MACROH2A2: variants seen among roughly 807,000 people sequenced by gnomAD.
MACROH2A2 encodes macroH2A.2 histone.
In MACROH2A2, 6 loss-of-function variants were observed where a neutral mutation model predicts 37.6. That is an observed-to-expected ratio of 0.16 (90% confidence interval 0.09 to 0.32). The LOEUF is 0.32. Ranked by LOEUF, MACROH2A2 falls within the 10% of genes least tolerant of loss-of-function variation. The pLI is 1.00. For missense variants in MACROH2A2, 290 were observed against 485.9 expected, an observed-to-expected ratio of 0.60 and a Z score of 3.79; for synonymous variants, 192 against 202.7, an observed-to-expected ratio of 0.95 and a Z score of 0.45.
At chr10:70,084,272 G>A (rs955107334) in intron 2 of MACROH2A2, among the ~76,000 whole-genome samples, 1 of 152,140 alleles carries the variant, frequency 6.6e-6, no homozygotes, top group Admixed American at 6.6e-5. Flanking sequence ...GGTTGTACAC[G>A]GCACAAGAAC....
chr10:70,092,033 T>A (rs2072248509), intron 4 of MACROH2A2, 79 bp downstream of exon 4: 1 of 1,147,422 alleles, frequency 8.7e-7, no homozygotes, highest in Non-Finnish European at 1.3e-6. Context: ...ACAATTCATA[T>A]GTTGAAACCT....
At chr10:70,098,501 C>T (rs2072288782) in intron 6 of MACROH2A2, 3 of 152,120 alleles carry the variant, frequency 2.0e-5, no homozygotes, top group South Asian at 2.1e-4. Flanking sequence ...TCTCTTATAC[C>T]ATAGGTTCCT....
chr10:70,094,532 C>A (rs1232142291), intron 5 of MACROH2A2, among the ~76,000 whole-genome samples: 3 of 152,212 alleles, frequency 2.0e-5, no homozygotes. Context: ...ATGTTTCCAT[C>A]TTGACAACAC....
chr10:70,073,707 G>A (rs868518679), intron 1 of MACROH2A2, among the ~76,000 whole-genome samples: 2 of 152,116 alleles, frequency 1.3e-5, no homozygotes, highest in African/African-American at 4.8e-5. Context: ...CTCCTTGGTC[G>A]TAATGGAGTT....
At chr10:70,101,661 GC>G (rs58702433) in intron 7 of MACROH2A2, among the ~76,000 whole-genome samples, 32,886 of 151,912 alleles carry the variant, frequency 0.22, 3,831 homozygotes, top group East Asian at 0.44. Flanking sequence ...CATGCCCAGT[GC>G]CCCCCTCAGG....
At chr10:70,056,848 A>G (rs1364829387) in intron 1 of MACROH2A2, among the ~76,000 whole-genome samples, 1 of 152,180 alleles carries the variant, frequency 6.6e-6, no homozygotes, top group Non-Finnish European at 1.5e-5. Flanking sequence ...TTTCATTGCC[A>G]TTTAAGTCTG....
chr10:70,072,289 A>G (rs2072115558), intron 1 of MACROH2A2, among the ~76,000 whole-genome samples: 1 of 151,820 alleles, frequency 6.6e-6, no homozygotes, highest in South Asian at 2.1e-4. Context: ...ACTTCTGTTA[A>G]AAAAAATAAG....
intron 3 of MACROH2A2, 28 bp from the exon 4 acceptor site, chr10:70,091,729 A>C (rs748341751): frequency 1.7e-5 from 26 of 1,530,898 alleles, no homozygotes; most frequent in Non-Finnish European, 2.0e-5. Context: ...GCTGTTTGCT[A>C]CATGAGCGCA....
chr10:70,066,783 G>A lies in MACROH2A2; in HGVS notation c.-59-8817G>A, dbSNP rs375520198. Reference sequence around the variant, plus strand: ...TTCATGGTCATTCTAAGACATGCACGTACACGGAGCAGCAAAACATCTTAG... The same window carrying A: ...TTCATGGTCATTCTAAGACATGCACATACACGGAGCAGCAAAACATCTTAG... On this transcript the variant is annotated intron_variant, in intron 1 of 8. Coordinates refer to ENST00000373255, the MANE Select transcript of MACROH2A2 (RefSeq NM_018649.3). 3.6e-4 allele frequency among the ~76,000 whole-genome samples: 55 copies of A among 152,276 alleles called. No individual in the cohort carries two copies. In the South Asian group the frequency reaches 8.1e-3, roughly 22 times the overall value.
intron 2 of MACROH2A2, among the ~76,000 whole-genome samples, chr10:70,086,470 A>G (rs999099629): frequency 3.3e-5 from 5 of 152,248 alleles, no homozygotes; most frequent in African/African-American, 1.2e-4. Flanking sequence ...GTCTCGTCCT[A>G]TGCTACGTTT....
intron 1 of MACROH2A2, among the ~76,000 whole-genome samples, chr10:70,064,195 C>T (rs530441447): frequency 2.0e-5 from 3 of 152,224 alleles, no homozygotes; most frequent in Admixed American, 2.0e-4. Flanking sequence ...ATGGTGAAAC[C>T]CTGTCTCTAC....
intron 2 of MACROH2A2, among the ~76,000 whole-genome samples, chr10:70,089,658 A>C (rs1183194731): frequency 6.6e-6 from 1 of 152,232 alleles, no homozygotes; most frequent in Non-Finnish European, 1.5e-5. Flanking sequence ...ATGCTGAGGG[A>C]CAACCAGGAG....
In MACROH2A2 at chr10:70,075,839, G is replaced by C; in HGVS notation, c.172+9G>C. The C allele has an allele frequency of 6.2e-7, 1 of 1,610,336 alleles. No individual in the cohort carries two copies. The highest frequency in any genetic ancestry group is 8.5e-7 in the Non-Finnish European group (1 of 1,178,448). ...CATTGAGTACCTGGCAGGTAATGAG[G>C]ACACGCAAAGGAGGCTGCCTGCTCC... On this transcript the variant is annotated intron_variant, in intron 2 of 8. Transcript: ENST00000373255. This position sits in a 1 kb window ranked among gnomAD's most constrained non-coding sequence, Gnocchi z 5.0.
chr10:70,084,675 C>A (rs1354360916), intron 2 of MACROH2A2, among the ~76,000 whole-genome samples: 1 of 152,118 alleles, frequency 6.6e-6, no homozygotes, highest in Non-Finnish European at 1.5e-5. Flanking sequence ...GATCACGGCT[C>A]ACTACAGCCT....
At chr10:70,088,947 T>TA in intron 2 of MACROH2A2, among the ~76,000 whole-genome samples, 1 of 152,030 alleles carries the variant, frequency 6.6e-6, no homozygotes, top group Admixed American at 6.6e-5. Context: ...CTACTAAAAA[T>TA]ACAAAAATTA....
At chr10:70,081,387 A>G (rs761872901) in intron 2 of MACROH2A2, among the ~76,000 whole-genome samples, 12 of 152,006 alleles carry the variant, frequency 7.9e-5, no homozygotes, top group Non-Finnish European at 1.6e-4. Flanking sequence ...AAGGCAGTGG[A>G]AGTGAGGGAG....
At chr10:70,079,256 C>T (rs767848222) in intron 2 of MACROH2A2, among the ~76,000 whole-genome samples, 4 of 151,860 alleles carry the variant, frequency 2.6e-5, no homozygotes, top group African/African-American at 9.7e-5. Context: ...GTCCCACCCC[C>T]GAGACTCTGG....
chr10:70,080,885 CAAAAAAAAAAAAAA>C (rs149608498), intron 2 of MACROH2A2, among the ~76,000 whole-genome samples: 2 of 31,972 alleles, frequency 6.3e-5, no homozygotes, highest in Non-Finnish European at 1.0e-4. Flanking sequence ...AACTCCATCT[CAAAAAAAAAAAAAA>C]AAAAAAAAAA....
chr10:70,063,006 T>TA (rs2072058623), intron 1 of MACROH2A2, among the ~76,000 whole-genome samples: 1 of 151,648 alleles, frequency 6.6e-6, no homozygotes, highest in South Asian at 2.1e-4. Context: ...TAACAAAAAC[T>TA]AAATAAATAA....
Sources: allele counts gnomAD v4.1 joint callset (sites outside exome capture counted in the v4.1 genomes callset), GRCh38; gene constraint gnomAD v4.1.1; non-coding constraint Gnocchi (gnomAD v3.1); transcripts MANE v1.5; gene names NCBI Gene and HGNC (gene_info 2026-07-23, HGNC 2026-07-21).